Variants in PTPRK observed in about 807,000 individuals in gnomAD.
PTPRK encodes the protein protein tyrosine phosphatase receptor type K.
PTPRK carries 75 observed loss-of-function variants against 178.0 expected under a neutral mutation model. The ratio of observed to expected loss-of-function variants is 0.42; its 90% CI spans 0.35 to 0.51. The LOEUF is 0.51. Among genes scored for constraint, PTPRK ranks in the 20% least tolerant of loss-of-function variants. The probability of loss-of-function intolerance (pLI) is 0.02; values close to 1 mark genes in which losing one functional copy is unlikely to be tolerated. For synonymous variants in PTPRK, 637 were observed against 620.6 expected (o/e 1.03, Z -0.39); for missense variants, 1,441 against 1,797.8 (o/e 0.80, Z 3.59).
chr6:128,096,302 A>G (rs1418188642), intron 7 of PTPRK, among the ~76,000 whole-genome samples: 1 of 152,228 alleles, frequency 6.6e-6, no homozygotes, highest in Non-Finnish European at 1.5e-5. Flanking sequence ...CAACATGAAC[A>G]AAAAGAACCT....
chr6:128,392,037 C>T (rs915550207), intron 2 of PTPRK, among the ~76,000 whole-genome samples: 5 of 152,046 alleles, frequency 3.3e-5, no homozygotes, highest in Admixed American at 6.6e-5. Context: ...CCAAATCTCT[C>T]CAAATAAATA....
intron 1 of PTPRK, among the ~76,000 whole-genome samples, chr6:128,410,096 A>G (rs139095237): frequency 1.4e-4 from 21 of 152,360 alleles, no homozygotes; most frequent in African/African-American, 4.8e-4. Context: ...TACTCAGACC[A>G]AGAAGGTACA....
At chr6:128,389,760 G>GCT (rs1221956261) in intron 2 of PTPRK, among the ~76,000 whole-genome samples, 1 of 151,372 alleles carries the variant, frequency 6.6e-6, no homozygotes, top group Admixed American at 6.6e-5. Context: ...TTAATACTAG[G>GCT]CTATTCTTTT....
intron 15 of PTPRK, among the ~76,000 whole-genome samples, chr6:127,999,234 C>A (rs1487199230): frequency 1.3e-5 from 2 of 151,936 alleles, no homozygotes; most frequent in African/African-American, 4.8e-5. Context: ...TAGAGTGGGA[C>A]CAGAGGACCC....
At chr6:128,298,004 G>C (rs914963308) in intron 3 of PTPRK, among the ~76,000 whole-genome samples, 1 of 151,978 alleles carries the variant, frequency 6.6e-6, no homozygotes, top group Admixed American at 6.6e-5. Context: ...AGAAAAGAGA[G>C]AAGAATCATA....
intron 27 of PTPRK, among the ~76,000 whole-genome samples, chr6:127,975,733 G>A (rs867565957): frequency 1.3e-5 from 2 of 152,104 alleles, no homozygotes; most frequent in African/African-American, 2.4e-5. Flanking sequence ...GTGCAGTGGC[G>A]TGATCTCAGC....
chr6:128,471,185 G>T (rs1484436770), intron 1 of PTPRK, among the ~76,000 whole-genome samples: 1 of 151,922 alleles, frequency 6.6e-6, no homozygotes, highest in East Asian at 1.9e-4. Context: ...AACGGTCAGA[G>T]AATACATATA....
intron 2 of PTPRK, among the ~76,000 whole-genome samples, chr6:128,364,046 T>C (rs1350352590): frequency 6.6e-6 from 1 of 152,084 alleles, no homozygotes; most frequent in East Asian, 1.9e-4. Context: ...AGTTAGTAAT[T>C]AGCAGAGCCA....
rs7765096 is a variant in PTPRK, at chr6:128,306,336, A to G, written c.495+15703T>C. On this transcript the variant is annotated intron_variant, in intron 3 of 29. Transcript: ENST00000368226. ...GCCAGTTAGTGGAGCAATGGATACA[A>G]TGGAATGAGCTAATAAGTGAAAACA... is the stretch of plus-strand genomic sequence containing the variant. 6.3e-3 allele frequency among the ~76,000 whole-genome samples: 962 copies of G among 152,358 alleles called. 12 individuals are homozygous for G. The highest frequency in any genetic ancestry group is 0.022 in the African/African-American group (920 of 41,574).
chr6:128,121,341 G>A (rs890298786), intron 7 of PTPRK, among the ~76,000 whole-genome samples: 3 of 151,954 alleles, frequency 2.0e-5, no homozygotes, highest in African/African-American at 7.2e-5. Context: ...ATAGCTGCAA[G>A]TGATACAAAT....
At chr6:128,049,293 A>G (rs1778602720) in intron 13 of PTPRK, among the ~76,000 whole-genome samples, 1 of 152,198 alleles carries the variant, frequency 6.6e-6, no homozygotes, top group Non-Finnish European at 1.5e-5. Flanking sequence ...AAAATTAGAT[A>G]CAACCAAAGT....
intron 28 of PTPRK, 82 bp from the exon 29 acceptor site, chr6:127,973,239 T>C (rs1774146645): frequency 6.4e-7 from 1 of 1,568,290 alleles, no homozygotes; most frequent in Non-Finnish European, 8.6e-7. Flanking sequence ...TTTGGGAAAA[T>C]AAGACATTGT....
intron 17 of PTPRK, among the ~76,000 whole-genome samples, chr6:127,995,892 T>C (rs1777095563): frequency 6.6e-6 from 1 of 152,122 alleles, no homozygotes; most frequent in Admixed American, 6.5e-5. Flanking sequence ...CCTTTTCTTC[T>C]GCACTTTACA....
intron 3 of PTPRK, among the ~76,000 whole-genome samples, chr6:128,243,486 G>A (rs1465481885): frequency 5.8e-5 from 5 of 86,220 alleles, no homozygotes; most frequent in African/African-American, 1.6e-4. Context: ...AGAGCCTGTC[G>A]CTAAAAAAAA....
At chr6:128,194,272 C>T (rs1289581471) in intron 6 of PTPRK, among the ~76,000 whole-genome samples, 1 of 151,590 alleles carries the variant, frequency 6.6e-6, no homozygotes, top group Non-Finnish European at 1.5e-5. Context: ...ATTTTTCGTA[C>T]AGACGGGGTT....
chr6:128,196,352 T>C (rs990111366), intron 6 of PTPRK, among the ~76,000 whole-genome samples: 2 of 152,140 alleles, frequency 1.3e-5, no homozygotes, highest in African/African-American at 2.4e-5. Context: ...AGATGGAAGC[T>C]GAAGGTTGGC....
At chr6:128,472,347 T>A (rs1410088614) in intron 1 of PTPRK, among the ~76,000 whole-genome samples, 1 of 151,994 alleles carries the variant, frequency 6.6e-6, no homozygotes, top group Non-Finnish European at 1.5e-5. Context: ...TGTGTGCACA[T>A]GTGTGTTGCT....
At chr6:128,300,288 T>G (rs1825346479) in intron 3 of PTPRK, among the ~76,000 whole-genome samples, 3 of 152,054 alleles carry the variant, frequency 2.0e-5, no homozygotes, top group Admixed American at 2.0e-4. Flanking sequence ...TGTAAACTAG[T>G]TCAACCCCTG....
At chr6:128,439,341 G>A (rs1179429420) in intron 1 of PTPRK, among the ~76,000 whole-genome samples, 1 of 152,070 alleles carries the variant, frequency 6.6e-6, no homozygotes, top group Non-Finnish European at 1.5e-5. Flanking sequence ...TCACCATTGA[G>A]TACCCAGTCA....
Sources: allele counts gnomAD v4.1 joint callset (sites outside exome capture counted in the v4.1 genomes callset), GRCh38; gene constraint gnomAD v4.1.1; transcripts MANE v1.5; gene names NCBI Gene and HGNC (gene_info 2026-07-23, HGNC 2026-07-21).